NCKAP5: variants seen among roughly 807,000 people sequenced by gnomAD.
NCKAP5 encodes the protein NCK associated protein 5.
Under a neutral mutation model 167.0 loss-of-function variants are expected in NCKAP5, and 92 were observed. The observed-to-expected ratio is 0.55, with a 90% confidence interval of 0.47 to 0.66. NCKAP5 has a LOEUF of 0.66. Ranked by LOEUF, NCKAP5 falls within the 30% of genes least tolerant of loss-of-function variation. The probability of loss-of-function intolerance (pLI) is 0.00; values close to 1 mark genes in which losing one functional copy is unlikely to be tolerated. For synonymous variants in NCKAP5, 891 were observed against 877.4 expected, an observed-to-expected ratio of 1.02 and a Z score of -0.27; for missense variants, 2,378 against 2,315.0, an observed-to-expected ratio of 1.03 and a Z score of -0.56.
At chr2:133,453,924 AATCACT>A (rs1691696180) in intron 3 of NCKAP5, among the ~76,000 whole-genome samples, 1 of 152,092 alleles carries the variant, frequency 6.6e-6, no homozygotes, top group South Asian at 2.1e-4. Flanking sequence ...ACCACCGCTG[AATCACT>A]ATCATGTTTG....
At chr2:133,409,258 T>C (rs1300026122) in intron 3 of NCKAP5, among the ~76,000 whole-genome samples, 1 of 152,228 alleles carries the variant, frequency 6.6e-6, no homozygotes, top group East Asian at 1.9e-4. Context: ...AAAATGGACC[T>C]TACTACCTGC....
intron 4 of NCKAP5, among the ~76,000 whole-genome samples, chr2:133,249,811 G>A (rs2088209142): frequency 6.6e-6 from 1 of 152,186 alleles, no homozygotes; most frequent in African/African-American, 2.4e-5. Context: ...AAGGTGGGGC[G>A]GTTTGGGAAG....
intron 3 of NCKAP5, among the ~76,000 whole-genome samples, chr2:133,484,669 G>A (rs1390307947): frequency 3.3e-5 from 5 of 152,108 alleles, no homozygotes; most frequent in Admixed American, 1.3e-4. Context: ...GTACACAAAT[G>A]TTGCTTCATG....
At chr2:133,508,140 C>G (rs1683181488) in intron 3 of NCKAP5, among the ~76,000 whole-genome samples, 1 of 152,136 alleles carries the variant, frequency 6.6e-6, no homozygotes, top group South Asian at 2.1e-4. Context: ...GACAATAATT[C>G]AAGATTATAG....
At chr2:133,616,986 G>C in the NCKAP5 span, among the ~76,000 whole-genome samples, 1 of 152,198 alleles carries the variant, frequency 6.6e-6, no homozygotes, top group Non-Finnish European at 1.5e-5. Flanking sequence ...TGGGATGCAA[G>C]TCTGGTTCAA....
chr2:133,209,127 T>G (rs2086094556), intron 5 of NCKAP5, among the ~76,000 whole-genome samples: 2 of 151,838 alleles, frequency 1.3e-5, no homozygotes, highest in African/African-American at 4.8e-5. Flanking sequence ...ACCTTCATAC[T>G]CTTGGGGTAG....
At chr2:133,528,180 C>CAT (rs912565878) in intron 2 of NCKAP5, among the ~76,000 whole-genome samples, 41 of 151,924 alleles carry the variant, frequency 2.7e-4, no homozygotes, top group African/African-American at 7.5e-4. Context: ...TGTATACAGA[C>CAT]ATATATATAT....
At chr2:133,007,129 C>T (rs1376473249) in intron 6 of NCKAP5, among the ~76,000 whole-genome samples, 4 of 152,176 alleles carry the variant, frequency 2.6e-5, no homozygotes, top group East Asian at 1.9e-4. Context: ...TGGAGCTCAG[C>T]GGAGGCCCTC....
chr2:132,684,204 A>G (rs151334934), intron 19 of NCKAP5, among the ~76,000 whole-genome samples: 29 of 152,334 alleles, frequency 1.9e-4, no homozygotes, highest in African/African-American at 7.0e-4. Flanking sequence ...TTGCTCCAAG[A>G]GAAGTATGTC....
At chr2:132,741,234 A>G (rs1679158664) in intron 16 of NCKAP5, among the ~76,000 whole-genome samples, 2 of 152,066 alleles carry the variant, frequency 1.3e-5, no homozygotes, top group African/African-American at 4.8e-5. Context: ...TATGTTATGC[A>G]ATTTTCCAAA....
chr2:133,571,584 T>A (rs1039871581), upstream of NCKAP5, among the ~76,000 whole-genome samples: 2 of 152,208 alleles, frequency 1.3e-5, no homozygotes, highest in African/African-American at 2.4e-5. Context: ...TGATCATTTT[T>A]AAAAATGTCT....
chr2:132,871,313 TAAACAAAACA>T (rs72132416), intron 9 of NCKAP5, among the ~76,000 whole-genome samples: 5 of 151,760 alleles, frequency 3.3e-5, no homozygotes, highest in South Asian at 2.1e-4. Flanking sequence ...TGTTGGCAAA[TAAACAAAACA>T]AAACAAAACA....
At chr2:133,323,386 C>A (rs1682201662) in intron 3 of NCKAP5, among the ~76,000 whole-genome samples, 1 of 152,198 alleles carries the variant, frequency 6.6e-6, no homozygotes, top group South Asian at 2.1e-4. Flanking sequence ...TTTATTCCAG[C>A]TGCTAGCATC....
intron 3 of NCKAP5, among the ~76,000 whole-genome samples, chr2:133,430,792 A>G (rs1311448954): frequency 2.0e-5 from 3 of 150,888 alleles, no homozygotes; most frequent in African/African-American, 7.3e-5. Context: ...TGAATAAAAA[A>G]TCTCCCAAAT....
intron 5 of NCKAP5, among the ~76,000 whole-genome samples, chr2:133,162,885 G>A (rs2083855064): frequency 1.3e-5 from 2 of 152,036 alleles, no homozygotes; most frequent in East Asian, 1.9e-4. Context: ...ACAGTCATAC[G>A]TTATTTTTTT....
rs74662164 is a variant in NCKAP5 at position 133,480,934 on chromosome 2, A to G, written c.69+36524T>C. Among the ~76,000 whole-genome samples the G allele has an allele frequency of 2.1e-4, 32 of 152,234 alleles. No individual in the cohort carries two copies. The East Asian group carries it at 6.2e-3, about 29-fold the overall frequency. ...ATAGCTTTGACTCTGCTATTGACCTATCCTCTACTATTCTAAAAATTTCAC... is the reference window on the plus strand; with the variant it reads ...ATAGCTTTGACTCTGCTATTGACCTGTCCTCTACTATTCTAAAAATTTCAC... On this transcript the variant is annotated intron_variant, in intron 3 of 19. Transcript: ENST00000409261.
chr2:133,495,542 T>C (rs1319287264), intron 3 of NCKAP5, among the ~76,000 whole-genome samples: 1 of 152,188 alleles, frequency 6.6e-6, no homozygotes, highest in Non-Finnish European at 1.5e-5. Flanking sequence ...ATTTGTGAAG[T>C]CCAGCGACAG....
intron 4 of NCKAP5, among the ~76,000 whole-genome samples, chr2:133,282,289 G>A (rs1486124656): frequency 6.6e-6 from 1 of 152,166 alleles, no homozygotes; most frequent in East Asian, 1.9e-4. Flanking sequence ...CTGGTCTTCA[G>A]TGCCAAAAGC....
chr2:133,271,201 G>C (rs1273920229), intron 4 of NCKAP5, among the ~76,000 whole-genome samples: 2 of 151,654 alleles, frequency 1.3e-5, no homozygotes, highest in South Asian at 4.2e-4. Context: ...CAAAATGCTA[G>C]GATTACAGGT....
Sources: gnomAD v4.1 joint callset for allele counts (sites outside exome capture counted in the v4.1 genomes callset) on GRCh38, gnomAD v4.1.1 for gene constraint, MANE v1.5 for transcripts, NCBI Gene and HGNC (gene_info 2026-07-23, HGNC 2026-07-21) for gene names.